The following NIN variants were observed in gnomAD, a reference collection of about 807,000 sequenced individuals.
The protein encoded by NIN is ninein.
In NIN, 137 loss-of-function variants were observed where a neutral mutation model predicts 257.6. The ratio of observed to expected loss-of-function variants is 0.53; its 90% CI spans 0.46 to 0.61. NIN has a LOEUF of 0.61. Ranked by LOEUF, NIN falls within the 20% of genes least tolerant of loss-of-function variation. The pLI is 0.00. For missense variants in NIN, 2,439 were observed against 2,501.2 expected, an observed-to-expected ratio of 0.98 and a Z score of 0.53; for synonymous variants, 918 against 919.8, an observed-to-expected ratio of 1.00 and a Z score of 0.04.
At position 50,772,946 on chromosome 14, in the gene NIN, T is replaced by A. The variant is rs756212197; in HGVS notation, c.813+3A>T. On this transcript the variant is annotated splice_donor_region_variant and intron_variant, in intron 8 of 30. Coordinates refer to ENST00000530997, the MANE Select transcript of NIN (RefSeq NM_020921.4). ...AAAGAAAGCACTTCTGCTTATTTTT[T>A]ACCTGCATGGAAAGGTGCCTTTTTA... 3.1e-6 allele frequency: 5 copies of A among 1,606,214 alleles called. No individual in the cohort carries two copies. Among genetic ancestry groups the A allele is most frequent in the Non-Finnish European group, 3.4e-6 (4 of 1,177,676 alleles).
chr14:50,799,984 AAAAC>A (rs2044014515), intron 4 of NIN, among the ~76,000 whole-genome samples: 1 of 149,338 alleles, frequency 6.7e-6, no homozygotes, highest in Admixed American at 6.8e-5. Context: ...ACAAAAACAA[AAAAC>A]AAACAATATA....
intron 8 of NIN, 55 bp downstream of exon 8, chr14:50,772,894 C>G: frequency 6.8e-7 from 1 of 1,469,222 alleles, no homozygotes; most frequent in Non-Finnish European, 9.4e-7. Flanking sequence ...TTAGACATTA[C>G]TTAAATGGGT....
intron 12 of NIN, among the ~76,000 whole-genome samples, chr14:50,767,555 C>T (rs1048237569): frequency 3.3e-5 from 5 of 152,252 alleles, no homozygotes; most frequent in South Asian, 2.1e-4. Context: ...TAGTGGCTCA[C>T]GCCTGTAATC....
chr14:50,760,404 G>T (rs759581238), intron 16 of NIN, 45 bp from the exon 17 acceptor site: 12 of 1,444,242 alleles, frequency 8.3e-6, no homozygotes, highest in Non-Finnish European at 7.5e-6. Context: ...TCAGCTCAAG[G>T]TCACTGAAAG....
At chr14:50,744,191 A>C (rs957252529) in intron 23 of NIN, 52 bp downstream of exon 23, 4 of 1,595,868 alleles carry the variant, frequency 2.5e-6, no homozygotes, top group Non-Finnish European at 2.6e-6. Flanking sequence ...AGAAAGGTTC[A>C]TTATGGTGTG....
rs749023841 is a variant in NIN, at chr14:50,757,111, G to A, written c.3919C>T (p.Leu1307=). 31 of 1,612,948 alleles carry A rather than the reference G, an allele frequency of 1.9e-5. No individual in the cohort carries two copies. The highest frequency in any genetic ancestry group is 2.2e-5 in the South Asian group (2 of 90,926). Residue 1307 remains leucine, a synonymous_variant, in exon 18 of 31, where the codon CTG becomes TTG. Coordinates refer to ENST00000530997, the MANE Select transcript of NIN (RefSeq NM_020921.4). The part of the protein sequence containing the change: ...MEEVTETFLS[L]EKSYDEVKIE... ...TTGACCTCATCGTAACTCTTTTCCA[G>A]GCTGAGGAATGTTTCAGTGACTTCC... is the stretch of plus-strand genomic sequence containing the variant.
At chr14:50,759,341 T>G (rs562795804) in intron 17 of NIN, among the ~76,000 whole-genome samples, 112 of 152,334 alleles carry the variant, frequency 7.4e-4, no homozygotes, top group Non-Finnish European at 1.2e-3. Context: ...CTTTCCTCTT[T>G]TACAAACATA....
intron 28 of NIN, 36 bp downstream of exon 28, chr14:50,735,480 T>C (rs780913094): frequency 6.0e-5 from 96 of 1,605,128 alleles, no homozygotes; most frequent in Non-Finnish European, 8.2e-5. Flanking sequence ...GATTAACATA[T>C]TCTTCATAGC....
chr14:50,806,522 A>C (rs1353355695), intron 4 of NIN: 1 of 451,550 alleles, frequency 2.2e-6, no homozygotes, highest in African/African-American at 2.0e-5. Context: ...TATTTTCTCC[A>C]TAATACTATG....
intron 8 of NIN, 149 bp downstream of exon 8, chr14:50,772,800 C>T: frequency 2.8e-6 from 2 of 701,918 alleles, no homozygotes. Flanking sequence ...CCAACCTTTC[C>T]TTCCTAATGG....
At chr14:50,770,261 C>A in intron 12 of NIN, 127 bp downstream of exon 12, 1 of 931,730 alleles carries the variant, frequency 1.1e-6, no homozygotes, top group East Asian at 2.6e-5. Flanking sequence ...TGGGTGAAGA[C>A]CCAGCTGGGC....
In NIN at chr14:50,758,117, T is replaced by A; in HGVS notation, c.2913A>T (p.Arg971Ser). The A allele has an allele frequency of 3.1e-6, 5 of 1,614,220 alleles. No individual in the cohort carries two copies. Among genetic ancestry groups the A allele is most frequent in the Non-Finnish European group, 4.2e-6 (5 of 1,180,030 alleles). Residue 971 changes from arginine (R) to serine (S), a missense_variant, in exon 18 of 31, where the codon AGA becomes AGT. Physicochemically the swap from Arg to Ser is moderately radical, Grantham distance 110. Around this residue, in one of 3 missense-constraint regions of NIN, gnomAD observed 2,043 missense variants for 2,050.2 expected, o/e 1.00. Transcript: ENST00000530997. The part of the protein sequence containing the change: ...SEQLASQRLE[R>S]LEMEHDQERQ... ...TTTCCTGGTCATGTTCCATTTCTAG[T>A]CTTTCCAGCCGCTGGCTGGCCAGCT...
intron 27 of NIN, among the ~76,000 whole-genome samples, chr14:50,736,578 G>T (rs1449254796): frequency 1.3e-5 from 2 of 152,132 alleles, no homozygotes; most frequent in Non-Finnish European, 2.9e-5. Flanking sequence ...AGAACAGCAA[G>T]AATTGTGAAA....
chr14:50,816,060 G>A (rs893259883), intron 3 of NIN, among the ~76,000 whole-genome samples: 1 of 152,168 alleles, frequency 6.6e-6, no homozygotes, highest in Non-Finnish European at 1.5e-5. Flanking sequence ...CATAGATGGA[G>A]CTGGGAGCCG....
At chr14:50,829,749 C>CG (rs2045615016) in intron 2 of NIN, among the ~76,000 whole-genome samples, 1 of 152,158 alleles carries the variant, frequency 6.6e-6, no homozygotes, top group South Asian at 2.1e-4. Context: ...GCCTTCACCT[C>CG]GGGTTGTCAG....
Position 50,773,001 on chromosome 14 carries a change from G to T in NIN, c.761C>A (p.Thr254Lys). ...YGLFKNGKSL[T>K]PSASTPYRQL... Reference sequence around the variant, plus strand: ...TCTATATGGAGTAGATGCTGATGGTGTAAGAGATTTTCCATTTTTAAACAA... The same window carrying T: ...TCTATATGGAGTAGATGCTGATGGTTTAAGAGATTTTCCATTTTTAAACAA... The change falls in exon 8 of 31, where the codon ACA becomes AAA. Residue 254 changes from threonine (T) to lysine (K), a missense_variant. Physicochemically the swap from Thr to Lys is moderately conservative, Grantham distance 78. Around this residue, in one of 3 missense-constraint regions of NIN, gnomAD observed 387 missense variants for 427.3 expected, o/e 0.91. Coordinates refer to ENST00000530997, the MANE Select transcript of NIN (RefSeq NM_020921.4). The T allele has an allele frequency of 6.2e-7, 1 of 1,613,110 alleles. No individual in the cohort carries two copies. The highest frequency in any genetic ancestry group is 1.1e-5 in the South Asian group (1 of 91,044).
intron 12 of NIN, 45 bp from the exon 13 acceptor site, chr14:50,766,935 T>G (rs1353859671): frequency 1.5e-6 from 2 of 1,291,222 alleles, no homozygotes; most frequent in Non-Finnish European, 2.2e-6. Context: ...ATTAAGAAAT[T>G]AGCAAACTGT....
At position 50,738,181 on chromosome 14, in the gene NIN, ACT is replaced by A. The variant is rs1373712333; in HGVS notation, c.5732_5733del (p.Glu1911ValfsTer2). ...TEQEKLSLKR[E>X]CDQFQKEQSP... Reference sequence around the variant, plus strand: ...GATTGTTCTTTCTGAAACTGATCACACTCTCTCTTTAAGCTCAATTTTTCTTG... The same window carrying A: ...GATTGTTCTTTCTGAAACTGATCACACTCTCTTTAAGCTCAATTTTTCTTG... On this transcript the variant is annotated frameshift_variant, in exon 27 of 31. Transcript: ENST00000530997. LOFTEE classifies it high-confidence loss of function. 1 of 1,613,886 alleles carries A rather than the reference ACT, an allele frequency of 6.2e-7. No homozygotes were observed. The highest frequency in any genetic ancestry group is 8.5e-7 in the Non-Finnish European group (1 of 1,179,958).
At chr14:50,823,586 C>T (rs545664860) in intron 2 of NIN, 33 of 191,716 alleles carry the variant, frequency 1.7e-4, no homozygotes, top group African/African-American at 6.9e-4. Flanking sequence ...AACAGGGCCA[C>T]GATCTTGCCA....
Sources: allele counts gnomAD v4.1 joint callset (sites outside exome capture counted in the v4.1 genomes callset), GRCh38; gene constraint gnomAD v4.1.1; regional missense constraint gnomAD v4.1.1; transcripts MANE v1.5; gene names NCBI Gene and HGNC (gene_info 2026-07-23, HGNC 2026-07-21).